Variants in FERMT2 observed in about 807,000 individuals in gnomAD.
The protein encoded by FERMT2 is FERM domain containing kindlin 2, also known as fermitin family homolog 2.
A neutral mutation model predicts 82.7 loss-of-function variants in FERMT2; 15 were observed. That is an observed-to-expected ratio of 0.18 (90% CI 0.12 to 0.28). The LOEUF is 0.28. Among genes scored for constraint, FERMT2 ranks in the 10% least tolerant of loss-of-function variants. FERMT2 has a pLI of 1.00. For synonymous variants in FERMT2, 274 were observed against 271.5 expected (o/e 1.01, Z -0.09); for missense variants, 645 against 809.4 (o/e 0.80, Z 2.46).
In FERMT2 at chr14:52,933,710, C is replaced by CAA. The variant is rs1337838375; in HGVS notation, c.158-14356_158-14355dup. Among the ~76,000 whole-genome samples, 44 of 8,390 alleles carry CAA rather than the reference C, an allele frequency of 5.2e-3. 1 individual carries two copies. The highest frequency in any genetic ancestry group is 0.013 in the South Asian group (2 of 154). 5.5% of individuals were successfully genotyped at this position (8,390 alleles called of 152,430 possible). ...GGGCAACAAGAGCAAAACTCCGTCT[C>CAA]AAAAAAAAAAAAAAAAAAAAAAAAA... On this transcript the variant is annotated intron_variant, in intron 2 of 14. Coordinates refer to ENST00000341590, the MANE Select transcript of FERMT2 (RefSeq NM_006832.3).
At chr14:52,896,263 GAACA>G (rs750344967) in intron 3 of FERMT2, among the ~76,000 whole-genome samples, 1 of 152,146 alleles carries the variant, frequency 6.6e-6, no homozygotes, top group Non-Finnish European at 1.5e-5. Context: ...AGTATGAAGA[GAACA>G]GACAACACAA....
chr14:52,936,585 C>CT (rs1314443510), intron 2 of FERMT2, among the ~76,000 whole-genome samples: 2 of 152,172 alleles, frequency 1.3e-5, no homozygotes, highest in Non-Finnish European at 2.9e-5. Flanking sequence ...CACCAGACTT[C>CT]TTTCAGTTCT....
At chr14:52,884,559 C>A (rs1446342841) in intron 4 of FERMT2, among the ~76,000 whole-genome samples, 1 of 151,556 alleles carries the variant, frequency 6.6e-6, no homozygotes, top group East Asian at 2.0e-4. Flanking sequence ...AGAGACTGCA[C>A]CATTGCACTC....
chr14:52,881,991 A>C (rs1886327207), intron 4 of FERMT2, among the ~76,000 whole-genome samples: 1 of 152,226 alleles, frequency 6.6e-6, no homozygotes, highest in South Asian at 2.1e-4. Context: ...AGAGTAAAGA[A>C]CCTTAGAAGC....
At chr14:52,912,126 G>C (rs1888352496) in intron 3 of FERMT2, among the ~76,000 whole-genome samples, 2 of 151,934 alleles carry the variant, frequency 1.3e-5, no homozygotes, top group African/African-American at 4.8e-5. Context: ...CAAGTACTTG[G>C]ACTCTCACCA....
At chr14:52,888,179 A>C (rs368346103) in intron 4 of FERMT2, among the ~76,000 whole-genome samples, 6 of 152,284 alleles carry the variant, frequency 3.9e-5, no homozygotes, top group African/African-American at 1.4e-4. Context: ...AACCAAGAGG[A>C]AAAAAACAAA....
Position 52,950,402 on chromosome 14 carries a change from T to G in FERMT2, c.157+10A>C. The G allele has an allele frequency of 6.2e-7, 1 of 1,610,598 alleles. No homozygotes were observed. ...AGTCATTAGTTGGACGCGGCTGGGA[T>G]GCTACTCACCGAGTTTCTCCACCAG... On this transcript the variant is annotated intron_variant, in intron 2 of 14. Transcript: ENST00000341590.
At chr14:52,916,416 A>G (rs374028374) in intron 3 of FERMT2, among the ~76,000 whole-genome samples, 2 of 152,258 alleles carry the variant, frequency 1.3e-5, no homozygotes, top group African/African-American at 2.4e-5. Flanking sequence ...GAGGAAACTT[A>G]AATGCCTATT....
intron 4 of FERMT2, among the ~76,000 whole-genome samples, chr14:52,882,443 G>C (rs1886351729): frequency 6.6e-6 from 1 of 152,120 alleles, no homozygotes; most frequent in Non-Finnish European, 1.5e-5. Flanking sequence ...TCAACAGATG[G>C]TATGTGCTCC....
At chr14:52,923,123 TG>T (rs1303409093) in intron 2 of FERMT2, among the ~76,000 whole-genome samples, 1 of 152,070 alleles carries the variant, frequency 6.6e-6, no homozygotes, top group African/African-American at 2.4e-5. Flanking sequence ...ATTAATCTTA[TG>T]GGACCACGGT....
chr14:52,947,148 T>G (rs1184743333), intron 2 of FERMT2, among the ~76,000 whole-genome samples: 1 of 152,180 alleles, frequency 6.6e-6, no homozygotes, highest in Non-Finnish European at 1.5e-5. Context: ...TTTTAAAAGA[T>G]TAATAGCAAA....
chr14:52,942,521 C>CT (rs1362018633), intron 2 of FERMT2, among the ~76,000 whole-genome samples: 2 of 151,998 alleles, frequency 1.3e-5, no homozygotes, highest in Non-Finnish European at 2.9e-5. Context: ...CCAGGATGGT[C>CT]TTGATCTCCT....
intron 2 of FERMT2, among the ~76,000 whole-genome samples, chr14:52,935,983 A>C (rs17093032): frequency 0.021 from 3,209 of 152,296 alleles, 77 homozygotes; most frequent in East Asian, 0.075. Flanking sequence ...GCCAATTATT[A>C]ATTTCCAGAG....
At chr14:52,914,376 C>CA (rs1213820605) in intron 3 of FERMT2, among the ~76,000 whole-genome samples, 2 of 149,660 alleles carry the variant, frequency 1.3e-5, no homozygotes, top group Non-Finnish European at 3.0e-5. Flanking sequence ...TCTCAAAAAG[C>CA]AAAAAACAAA....
intron 3 of FERMT2, among the ~76,000 whole-genome samples, chr14:52,902,868 C>CAAAA (rs1252336097): frequency 0.013 from 71 of 5,542 alleles, 4 homozygotes; most frequent in African/African-American, 0.016. Context: ...GACTCCGTCT[C>CAAAA]AAAAAAAAAA....
At chr14:52,886,353 T>G (rs1886608370) in intron 4 of FERMT2, among the ~76,000 whole-genome samples, 1 of 151,992 alleles carries the variant, frequency 6.6e-6, no homozygotes, top group Non-Finnish European at 1.5e-5. Context: ...ACATGTATTT[T>G]TTTAGAGACA....
intron 10 of FERMT2, among the ~76,000 whole-genome samples, chr14:52,866,407 G>C (rs943494097): frequency 6.6e-6 from 1 of 152,102 alleles, no homozygotes; most frequent in African/African-American, 2.4e-5. Flanking sequence ...ACAGAAGGAA[G>C]CAACAGCTCC....
chr14:52,946,450 C>T (rs1370815081), intron 2 of FERMT2, among the ~76,000 whole-genome samples: 17 of 151,254 alleles, frequency 1.1e-4, no homozygotes, highest in Admixed American at 1.1e-3. Context: ...GCCAGGAGTT[C>T]AAGACCAGCC....
chr14:52,897,005 CACACACA>C (rs1432490312), intron 3 of FERMT2, among the ~76,000 whole-genome samples: 2 of 7,248 alleles, frequency 2.8e-4, no homozygotes, highest in Non-Finnish European at 6.0e-3. Context: ...ATAAAACACA[CACACACA>C]CACACACACA....
Sources: allele counts gnomAD v4.1 joint callset (sites outside exome capture counted in the v4.1 genomes callset), GRCh38; gene constraint gnomAD v4.1.1; transcripts MANE v1.5; gene names NCBI Gene and HGNC (gene_info 2026-07-23, HGNC 2026-07-21).